PIAS2: variants seen among roughly 807,000 people sequenced by gnomAD.
PIAS2 encodes protein inhibitor of activated STAT 2.
PIAS2 carries 19 observed loss-of-function variants against 69.7 expected under a neutral mutation model. The observed-to-expected ratio is 0.27, with a 90% CI of 0.19 to 0.40. The LOEUF (loss-of-function observed/expected upper bound fraction) is 0.40. Among genes scored for constraint, PIAS2 ranks in the 10% least tolerant of loss-of-function variants. The pLI is 1.00. For missense variants in PIAS2, 624 were observed against 757.0 expected (o/e 0.82, Z 2.06); for synonymous variants, 261 against 263.2 (o/e 0.99, Z 0.08).
At chr18:46,813,964 T>TG (rs1568333772) in intron 13 of PIAS2, among the ~76,000 whole-genome samples, 1 of 152,154 alleles carries the variant, frequency 6.6e-6, no homozygotes, top group South Asian at 2.1e-4. Context: ...CCACTAAAAC[T>TG]GGGGGGTAAA....
chr18:46,814,574 G>A (rs879852485), intron 13 of PIAS2, among the ~76,000 whole-genome samples: 5 of 152,312 alleles, frequency 3.3e-5, no homozygotes, highest in Non-Finnish European at 7.4e-5. Context: ...GAAACAGGAG[G>A]CTGATACAGG....
chr18:46,919,003 ATATATG>A (rs769370854), upstream of PIAS2, among the ~76,000 whole-genome samples: 64 of 146,176 alleles, frequency 4.4e-4, no homozygotes, highest in African/African-American at 1.6e-3. Flanking sequence ...GTGTATATAT[ATATATG>A]TGTGTGTGTG....
chr18:46,878,938 T>C (rs2051710424), intron 2 of PIAS2, among the ~76,000 whole-genome samples: 2 of 152,222 alleles, frequency 1.3e-5, no homozygotes, highest in African/African-American at 2.4e-5. Flanking sequence ...GCTCATACTA[T>C]GGCTAACATA....
At chr18:46,871,988 C>T (rs2050423939) in intron 2 of PIAS2, among the ~76,000 whole-genome samples, 1 of 152,136 alleles carries the variant, frequency 6.6e-6, no homozygotes. Flanking sequence ...CTTCAAGTTG[C>T]TCCAATACAT....
At chr18:46,843,462 T>C (rs1190786675) in intron 8 of PIAS2, among the ~76,000 whole-genome samples, 2 of 152,222 alleles carry the variant, frequency 1.3e-5, no homozygotes, top group East Asian at 1.9e-4. Flanking sequence ...AAGTGAAGTC[T>C]GCACCATTTT....
intron 8 of PIAS2, 53 bp from the exon 9 acceptor site, chr18:46,836,570 G>A (rs2044462351): frequency 1.5e-6 from 2 of 1,373,682 alleles, no homozygotes; most frequent in Non-Finnish European, 2.0e-6. Flanking sequence ...AATGAGCTCA[G>A]AGGGAACATG....
rs1432069605 is a variant in PIAS2, at chr18:46,805,960, G to GTTACCCAGGCT, written c.*6462_*6472dup. 1 of 152,090 alleles carries GTTACCCAGGCT rather than the reference G, an allele frequency of 6.6e-6. No homozygotes were observed. The highest frequency in any genetic ancestry group is 1.5e-5 in the Non-Finnish European group (1 of 68,022). The allele number at this position is 152,090 out of a possible 1,614,324, so 9.4% of individuals were successfully genotyped here. Reference sequence around the variant, plus strand: ...TGTAGATAGTGCCATTAACATCCAAGTTACCCAGGCTTGAAAAATGGATGA... The same window carrying GTTACCCAGGCT: ...TGTAGATAGTGCCATTAACATCCAAGTTACCCAGGCTTTACCCAGGCTTGAAAAATGGATGA... On this transcript the variant is annotated 3_prime_UTR_variant, in exon 14 of 14. Coordinates refer to ENST00000585916, the MANE Select transcript of PIAS2 (RefSeq NM_004671.5).
rs980554100 is a variant in PIAS2, at chr18:46,812,362, G to A, written c.*71C>T. On this transcript the variant is annotated 3_prime_UTR_variant, in exon 14 of 14. Coordinates refer to ENST00000585916, the MANE Select transcript of PIAS2 (RefSeq NM_004671.5). ...TTATTAAAAAAAAAAAAAAAAGAAC[G>A]TTTCCACAGACTAGAGATCCAAGAA... The A allele has an allele frequency of 2.2e-5, 16 of 725,242 alleles. No individual in the cohort carries two copies. The highest frequency in any genetic ancestry group is 3.9e-4 in the Middle Eastern group (1 of 2,586). 44.9% of individuals were successfully genotyped at this position (725,242 alleles called of 1,614,324 possible). A position where few individuals can be genotyped will look rare whatever the true frequency, so the allele number is the denominator to read the frequency against.
chr18:46,808,812 G>A lies in PIAS2; in HGVS notation c.*3621C>T, dbSNP rs1196001308. 5 of 147,948 alleles carry A rather than the reference G, an allele frequency of 3.4e-5. No homozygotes were observed. The highest frequency in any genetic ancestry group is 3.9e-4 in the East Asian group (2 of 5,128). 9.2% of individuals were successfully genotyped at this position (147,948 alleles called of 1,614,324 possible). A position where few individuals can be genotyped will look rare whatever the true frequency, so the allele number is the denominator to read the frequency against. On this transcript the variant is annotated 3_prime_UTR_variant, in exon 14 of 14. Coordinates refer to ENST00000585916, the MANE Select transcript of PIAS2 (RefSeq NM_004671.5). ...ATGTTTACTAAAGAAAGAATGGTCC[G>A]GCTAAGTGCTTTTTTTTTTTTTTTT...
intron 3 of PIAS2, 79 bp downstream of exon 3, chr18:46,864,085 C>T: frequency 1.3e-6 from 1 of 783,834 alleles, no homozygotes; most frequent in South Asian, 1.8e-5. Flanking sequence ...ACTGTCCAGT[C>T]TGTGAAATTT....
intron 11 of PIAS2, among the ~76,000 whole-genome samples, chr18:46,821,511 T>C (rs1455492503): frequency 6.6e-6 from 1 of 152,142 alleles, no homozygotes; most frequent in Non-Finnish European, 1.5e-5. Context: ...TGTAGCACAA[T>C]CCAAATTTCT....
chr18:46,848,509 A>G (rs1274788850), intron 5 of PIAS2, among the ~76,000 whole-genome samples: 1 of 152,186 alleles, frequency 6.6e-6, no homozygotes. Context: ...TATGCACCTT[A>G]GGACCAATGA....
chr18:46,897,942 G>A (rs1054128127), intron 1 of PIAS2, among the ~76,000 whole-genome samples: 3 of 151,804 alleles, frequency 2.0e-5, no homozygotes, highest in East Asian at 1.9e-4. Context: ...CACGATCTTG[G>A]CTCTCTGCAG....
intron 3 of PIAS2, among the ~76,000 whole-genome samples, chr18:46,860,753 G>A (rs2048532371): frequency 1.3e-5 from 2 of 152,136 alleles, no homozygotes. Flanking sequence ...AAGGAGGGAA[G>A]ATCACTTGAG....
chr18:46,841,689 T>G (rs1464074165), intron 8 of PIAS2, among the ~76,000 whole-genome samples: 4 of 152,180 alleles, frequency 2.6e-5, no homozygotes, highest in Admixed American at 6.5e-5. Context: ...CTGAAAAGAT[T>G]GATGAACCCC....
At chr18:46,916,526 T>TG (rs1568938933) in intron 1 of PIAS2, among the ~76,000 whole-genome samples, 1 of 152,130 alleles carries the variant, frequency 6.6e-6, no homozygotes, top group Admixed American at 6.6e-5. Flanking sequence ...GTTATCAGTC[T>TG]GGGGGGAAAA....
chr18:46,812,997 C>T (rs2041124598), intron 13 of PIAS2, among the ~76,000 whole-genome samples: 1 of 152,128 alleles, frequency 6.6e-6, no homozygotes, highest in African/African-American at 2.4e-5. Context: ...CTTACACCAG[C>T]ATTTTTGCTT....
intron 2 of PIAS2, among the ~76,000 whole-genome samples, chr18:46,870,177 AAAGG>A (rs150155457): frequency 0.013 from 1,967 of 152,214 alleles, 41 homozygotes; most frequent in African/African-American, 0.043. Context: ...AACAGTGTAA[AAAGG>A]ATATTCAGAA....
At chr18:46,894,487 C>T (rs900385991) in intron 1 of PIAS2, among the ~76,000 whole-genome samples, 11 of 152,160 alleles carry the variant, frequency 7.2e-5, no homozygotes, top group African/African-American at 2.7e-4. Context: ...ACTGCGCTAA[C>T]TCTCAAAGGC....
Sources: gnomAD v4.1 joint callset for allele counts (sites outside exome capture counted in the v4.1 genomes callset) on GRCh38, gnomAD v4.1.1 for gene constraint, MANE v1.5 for transcripts, NCBI Gene and HGNC (gene_info 2026-07-23, HGNC 2026-07-21) for gene names.